CENPM: variants seen among roughly 807,000 people sequenced by gnomAD.
CENPM encodes interphase centromere complex protein 39.
CENPM carries 14 observed loss-of-function variants against 19.6 expected under a neutral mutation model. The observed-to-expected ratio is 0.71, with a 90% confidence interval of 0.47 to 1.11. CENPM has a LOEUF of 1.11. CENPM is among the 50% of genes most tolerant of loss of function. CENPM has a pLI of 0.00. For missense variants in CENPM, 239 were observed against 228.4 expected, an observed-to-expected ratio of 1.05 and a Z score of -0.30; for synonymous variants, 114 against 101.5, an observed-to-expected ratio of 1.12 and a Z score of -0.74.
In CENPM at chr22:41,945,229, T is replaced by C; in HGVS notation, c.306A>G (p.Thr102=). The C allele has an allele frequency of 6.2e-7, 1 of 1,613,938 alleles. No individual in the cohort carries two copies. Among genetic ancestry groups the C allele is most frequent in the Non-Finnish European group, 8.5e-7 (1 of 1,179,982 alleles). The stretch of plus-strand genomic sequence containing the variant: ...ACAGGCGAGGAACGTACTTACCACC[T>C]GTGGCGAGGAAACACACCTTCCCCA... ...FFLGKVCFLA[T]GAGRESHCSI... The change falls in exon 4 of 6, where the codon ACA becomes ACG. Residue 102 remains threonine (T), a synonymous_variant. Coordinates refer to ENST00000215980, the MANE Select transcript of CENPM (RefSeq NM_024053.5).
chr22:41,944,565 C>T (rs1023498), intron 4 of CENPM: 153,134 of 710,854 alleles, frequency 0.22, 17,709 homozygotes, highest in Admixed American at 0.38. Context: ...GAGGTAATAA[C>T]ACCTACCTCC....
the CENPM span, among the ~76,000 whole-genome samples, chr22:41,930,811 C>A: frequency 6.6e-6 from 1 of 151,234 alleles, no homozygotes; most frequent in African/African-American, 2.4e-5. Flanking sequence ...TGAGCCACCA[C>A]TCCTGGCCTA....
downstream of CENPM, among the ~76,000 whole-genome samples, chr22:41,938,266 C>G (rs768544484): frequency 1.9e-4 from 28 of 150,180 alleles, no homozygotes; most frequent in Non-Finnish European, 3.7e-4. Flanking sequence ...TTCAGCCTCC[C>G]GAGTAGTTGA....
At chr22:41,929,709 G>A in the CENPM span, among the ~76,000 whole-genome samples, 1 of 151,848 alleles carries the variant, frequency 6.6e-6, no homozygotes, top group Non-Finnish European at 1.5e-5. Context: ...TATGTGCTGG[G>A]CCAGGTGCCG....
intron 5 of CENPM, among the ~76,000 whole-genome samples, chr22:41,939,559 G>C (rs964066643): frequency 6.6e-6 from 1 of 151,996 alleles, no homozygotes; most frequent in Non-Finnish European, 1.5e-5. Context: ...CAGGCAGCTC[G>C]GGCCCCAGAT....
the CENPM span, among the ~76,000 whole-genome samples, chr22:41,932,566 G>A: frequency 5.3e-5 from 8 of 152,222 alleles, no homozygotes; most frequent in Non-Finnish European, 7.3e-5. This position sits in a 1 kb window ranked among gnomAD's most constrained non-coding sequence, Gnocchi z 4.3. Flanking sequence ...GCACACACGC[G>A]CGCTCCTGCA....
rs2077815552 is a variant in CENPM at position 41,947,093 on chromosome 22, A to G, written c.-17T>C. 1.2e-6 allele frequency: 2 copies of G among 1,612,350 alleles called. No individual in the cohort carries two copies. Among genetic ancestry groups the G allele is most frequent in the Admixed American group, 1.7e-5 (1 of 59,994 alleles). On this transcript the variant is annotated 5_prime_UTR_variant, in exon 1 of 6. Coordinates refer to ENST00000215980, the MANE Select transcript of CENPM (RefSeq NM_024053.5). ...CACCGACATCACAGCCGCAGGACCA[A>G]CCGTTGCTCCTGCGGTGCGCGCCGA...
chr22:41,939,040 C>T lies in CENPM; in HGVS notation c.*16G>A. The T allele has an allele frequency of 1.2e-6, 2 of 1,612,340 alleles. No homozygotes were observed. The highest frequency in any genetic ancestry group is 1.7e-6 in the Non-Finnish European group (2 of 1,179,642). On this transcript the variant is annotated 3_prime_UTR_variant, in exon 6 of 6. Transcript: ENST00000215980. ...CACGAAGCCATGAGAAGGGGCAGCC[C>T]AGGGGCCAGCCACCCTCACAGGTCC...
intron 5 of CENPM, among the ~76,000 whole-genome samples, chr22:41,940,610 T>C (rs1569426273): frequency 6.6e-6 from 1 of 152,164 alleles, no homozygotes; most frequent in Non-Finnish European, 1.5e-5. Context: ...GGTCTCAAAC[T>C]CCTGACCTCA....
downstream of CENPM, among the ~76,000 whole-genome samples, chr22:41,936,193 G>A (rs907872165): frequency 6.6e-6 from 1 of 152,174 alleles, no homozygotes; most frequent in Non-Finnish European, 1.5e-5. Flanking sequence ...TCAAGGATTA[G>A]GCAGGCACAC....
At chr22:41,937,186 C>T (rs1166430890), downstream of CENPM, among the ~76,000 whole-genome samples, 1 of 152,244 alleles carries the variant, frequency 6.6e-6, no homozygotes, top group African/African-American at 2.4e-5. Context: ...TGGCACTGTA[C>T]AATCTCTCGC....
chr22:41,945,454 T>C, intron 3 of CENPM, 150 bp from the exon 4 acceptor site: 1 of 1,421,862 alleles, frequency 7.0e-7, no homozygotes. Context: ...TTAATTTTTT[T>C]TTTTTTTTTT....
the CENPM span, among the ~76,000 whole-genome samples, chr22:41,931,505 T>C: frequency 6.6e-6 from 1 of 151,332 alleles, no homozygotes; most frequent in Non-Finnish European, 1.5e-5. Flanking sequence ...AATAATAAAA[T>C]AACAAGATAG....
chr22:41,935,133 C>A (rs969883911), downstream of CENPM, among the ~76,000 whole-genome samples: 1 of 152,242 alleles, frequency 6.6e-6, no homozygotes, highest in East Asian at 1.9e-4. Flanking sequence ...TGGGAGCTGG[C>A]GGCAGTGACA....
At chr22:41,931,096 A>G in the CENPM span, among the ~76,000 whole-genome samples, 4 of 150,186 alleles carry the variant, frequency 2.7e-5, no homozygotes, top group Non-Finnish European at 5.9e-5. Context: ...TCGGCCTCCC[A>G]AAGTGCTGGG....
intron 4 of CENPM, chr22:41,944,602 A>G (rs899749561): frequency 1.1e-6 from 1 of 905,310 alleles, no homozygotes; most frequent in African/African-American, 1.8e-5. Flanking sequence ...CAAAGCAATT[A>G]CCGTGTCTGC....
chr22:41,930,833 C>G, the CENPM span, among the ~76,000 whole-genome samples: 1 of 142,370 alleles, frequency 7.0e-6, no homozygotes, highest in South Asian at 2.2e-4. Flanking sequence ...TTTCTTTATT[C>G]AAGTCTTTTT....
chr22:41,940,261 T>C (rs1199083820), intron 5 of CENPM: 1 of 694,744 alleles, frequency 1.4e-6, no homozygotes, highest in Non-Finnish European at 2.7e-6. Context: ...AAGTCCTGTT[T>C]GCAGGGGCGT....
At chr22:41,945,330 A>T (rs1219389095) in intron 3 of CENPM, 26 bp from the exon 4 acceptor site, 3 of 1,613,926 alleles carry the variant, frequency 1.9e-6, no homozygotes, top group Middle Eastern at 3.3e-4. Context: ...CAGGGTGAGA[A>T]AACAAACCAG....
Sources: gnomAD v4.1 joint callset for allele counts (sites outside exome capture counted in the v4.1 genomes callset) on GRCh38, gnomAD v4.1.1 for gene constraint, Gnocchi (gnomAD v3.1) non-coding constraint, MANE v1.5 for transcripts, NCBI Gene and HGNC (gene_info 2026-07-23, HGNC 2026-07-21) for gene names.